Variants in PPFIA1 observed in about 807,000 individuals in gnomAD.
PPFIA1 encodes liprin-alpha-1.
In PPFIA1, 25 loss-of-function variants were observed where a neutral mutation model predicts 149.9. The ratio of observed to expected loss-of-function variants is 0.17; its 90% CI spans 0.12 to 0.23. The LOEUF (loss-of-function observed/expected upper bound fraction) is 0.23. PPFIA1 is among the 10% of genes least tolerant of loss of function. The pLI, the probability that PPFIA1 is intolerant of heterozygous loss-of-function variation, is 1.00. For synonymous variants in PPFIA1, 549 were observed against 552.8 expected (o/e 0.99, Z 0.10); for missense variants, 1,362 against 1,506.5 (o/e 0.90, Z 1.59).
At chr11:70,366,367 A>G (rs2056936240) in intron 21 of PPFIA1, among the ~76,000 whole-genome samples, 1 of 152,216 alleles carries the variant, frequency 6.6e-6, no homozygotes, top group Non-Finnish European at 1.5e-5. Context: ...AATTGGCATA[A>G]TGACTTTTCC....
intron 19 of PPFIA1, among the ~76,000 whole-genome samples, chr11:70,361,268 C>A (rs1294941671): frequency 1.3e-5 from 2 of 152,138 alleles, no homozygotes; most frequent in Non-Finnish European, 2.9e-5. Flanking sequence ...AGGACCCCTC[C>A]TGAATACCAA....
intron 21 of PPFIA1, 149 bp downstream of exon 21, chr11:70,362,637 CT>C (rs140694226): frequency 9.7e-5 from 68 of 698,242 alleles, no homozygotes; most frequent in Middle Eastern, 4.4e-4. Context: ...TACATTAGAA[CT>C]TTTAATTTTG....
At chr11:70,380,407 A>G (rs536277514) in intron 26 of PPFIA1, among the ~76,000 whole-genome samples, 1 of 150,164 alleles carries the variant, frequency 6.7e-6, no homozygotes, top group African/African-American at 2.5e-5. Context: ...CTCTACTAAA[A>G]ATACAAAAAA....
chr11:70,354,211 C>A, intron 16 of PPFIA1, 90 bp from the exon 17 acceptor site: 1 of 1,356,288 alleles, frequency 7.4e-7, no homozygotes, highest in Non-Finnish European at 1.0e-6. Context: ...CACAGCAAAT[C>A]GATTTTCAAA....
chr11:70,343,798 T>C lies in PPFIA1; in HGVS notation c.1837T>C (p.Ser613Pro). Residue 613 changes from serine (S) to proline (P), a missense_variant, in exon 15 of 28, where the codon TCA becomes CCA. By Grantham distance (74) the Ser-to-Pro change is moderately conservative. Around this residue, in one of 7 missense-constraint regions of PPFIA1, gnomAD observed 733 missense variants for 744.1 expected, o/e 0.99. Coordinates refer to ENST00000253925, the MANE Select transcript of PPFIA1 (RefSeq NM_003626.5). ...GEDDRDTLLSSVDLLSPSGQA... is the reference protein window; with the variant it reads ...GEDDRDTLLSPVDLLSPSGQA... ...AGATGACAGGGACACTCTCCTCAGC[T>C]CAGTTGACCTGCTATCGCCCAGCGG... is the stretch of plus-strand genomic sequence containing the variant. 2 of 1,614,130 alleles carry C rather than the reference T, an allele frequency of 1.2e-6. No individual in the cohort carries two copies. The highest frequency in any genetic ancestry group is 1.6e-4 in the Middle Eastern group (1 of 6,062).
chr11:70,289,408 AT>A (rs1303201252), intron 2 of PPFIA1, among the ~76,000 whole-genome samples: 1 of 152,200 alleles, frequency 6.6e-6, no homozygotes, highest in Non-Finnish European at 1.5e-5. Context: ...TAAACTGATG[AT>A]TTTGATTTCT....
chr11:70,356,015 G>A (rs1197249973), intron 18 of PPFIA1, 146 bp from the exon 19 acceptor site: 10 of 1,014,186 alleles, frequency 9.9e-6, no homozygotes, highest in South Asian at 5.5e-5. Context: ...GAGCATTTCC[G>A]TCTTGGGCAT....
intron 2 of PPFIA1, among the ~76,000 whole-genome samples, chr11:70,299,573 C>T (rs1218852337): frequency 1.3e-5 from 2 of 152,146 alleles, no homozygotes; most frequent in Admixed American, 6.5e-5. Context: ...CTGGATGCTC[C>T]GGGGACCTCA....
Position 70,375,027 on chromosome 11 carries a change from C to T in PPFIA1, c.3249C>T (p.Ala1083=), listed in dbSNP as rs151326607. The change falls in exon 24 of 28, where the codon GCC becomes GCT. Residue 1083 remains alanine, a synonymous_variant. Coordinates refer to ENST00000253925, the MANE Select transcript of PPFIA1 (RefSeq NM_003626.5). ...GTGGTGTTCACGGAGCACTTCTGGCCTTAGATGAAACCTTCGACTTCAGTG... is the reference window on the plus strand; with the variant it reads ...GTGGTGTTCACGGAGCACTTCTGGCTTTAGATGAAACCTTCGACTTCAGTG... ...IESGVHGALL[A]LDETFDFSAL... is the part of the protein sequence containing the mutation. 1 of 1,613,690 alleles carries T rather than the reference C, an allele frequency of 6.2e-7. No individual in the cohort carries two copies. The highest frequency in any genetic ancestry group is 1.3e-5 in the African/African-American group (1 of 74,872).
rs368424324 is a variant in PPFIA1 at position 70,337,534 on chromosome 11, C to G, written c.1491+107C>G. ...GTGGAGAGCAGCTTGGTTTGTGGCT[C>G]TCATAGTCCACTGCCATAAGTTTCT... On this transcript the variant is annotated intron_variant, in intron 12 of 27. Coordinates refer to ENST00000253925, the MANE Select transcript of PPFIA1 (RefSeq NM_003626.5). 4.3e-4 allele frequency: 317 copies of G among 731,376 alleles called. 6 individuals carry two copies. The South Asian group carries it at 6.9e-3, about 16-fold the overall frequency. The allele number at this position is 731,376 out of a possible 1,614,324, so 45.3% of individuals were successfully genotyped here. A position where few individuals can be genotyped will look rare whatever the true frequency, so the allele number is the denominator to read the frequency against.
At chr11:70,381,987 C>A in intron 26 of PPFIA1, 101 bp from the exon 27 acceptor site, 1 of 1,001,858 alleles carries the variant, frequency 1.0e-6, no homozygotes, top group Non-Finnish European at 1.5e-6. Context: ...GTAGGCACTG[C>A]TGTAGGTGTG....
chr11:70,380,224 G>A (rs761940659), intron 26 of PPFIA1, among the ~76,000 whole-genome samples: 1 of 150,770 alleles, frequency 6.6e-6, no homozygotes, highest in African/African-American at 2.4e-5. Flanking sequence ...CCTGGCCAAC[G>A]TGGTGAGACC....
chr11:70,309,487 C>T (rs1464752554), intron 2 of PPFIA1, among the ~76,000 whole-genome samples: 1 of 151,954 alleles, frequency 6.6e-6, no homozygotes, highest in Admixed American at 6.6e-5. Flanking sequence ...TTTTAATTGT[C>T]TTGCTTGCTT....
intron 2 of PPFIA1, among the ~76,000 whole-genome samples, chr11:70,281,465 T>G (rs928459707): frequency 6.6e-6 from 1 of 152,224 alleles, no homozygotes; most frequent in Admixed American, 6.5e-5. Flanking sequence ...CCAAGTTTTG[T>G]CTCCTTAACG....
intron 11 of PPFIA1, 103 bp from the exon 12 acceptor site, chr11:70,337,262 G>C: frequency 1.3e-6 from 1 of 772,498 alleles, no homozygotes; most frequent in Non-Finnish European, 2.0e-6. Context: ...CTTTTACTCC[G>C]TTCCCTTTGT....
Position 70,362,187 on chromosome 11 carries a change from C to T in PPFIA1, c.2664+11C>T, listed in dbSNP as rs748389323. 3 of 1,614,048 alleles carry T rather than the reference C, an allele frequency of 1.9e-6. No homozygotes were observed. The highest frequency in any genetic ancestry group is 2.2e-5 in the South Asian group (2 of 91,076). On this transcript the variant is annotated intron_variant, in intron 20 of 27. Coordinates refer to ENST00000253925, the MANE Select transcript of PPFIA1 (RefSeq NM_003626.5). ...GTGGTCTGGCTAGAGGTACATCCTT[C>T]ATTTAACATGCAGTTGCGTGGGTTA...
rs1214747817 is a variant in PPFIA1, at chr11:70,362,347, G to A, written c.2724G>A (p.Gly908=). 6.2e-7 allele frequency: 1 copy of A among 1,614,190 alleles called. No individual in the cohort carries two copies. The highest frequency in any genetic ancestry group is 8.5e-7 in the Non-Finnish European group (1 of 1,180,048). ...CCTGCCGAGCAAACGTGAAAAGCGG[G>A]GCCATCATGTCGGCCCTGTCCGACA... ...VAACRANVKS[G]AIMSALSDTE... is the part of the protein sequence containing the mutation. Residue 908 remains glycine, a synonymous_variant, in exon 21 of 28, where the codon GGG becomes GGA. Coordinates refer to ENST00000253925, the MANE Select transcript of PPFIA1 (RefSeq NM_003626.5).
intron 7 of PPFIA1, chr11:70,327,020 T>C (rs1240849882): frequency 1.8e-6 from 1 of 551,260 alleles, no homozygotes; most frequent in Non-Finnish European, 3.2e-6. Flanking sequence ...AAATCTCCTG[T>C]CCCTGAGCTC....
At position 70,372,519 on chromosome 11, in the gene PPFIA1, T is replaced by G. The variant is rs1171791720; in HGVS notation, c.3084T>G (p.Asn1028Lys). 1.9e-6 allele frequency: 3 copies of G among 1,613,974 alleles called. No individual in the cohort carries two copies. The highest frequency in any genetic ancestry group is 2.5e-6 in the Non-Finnish European group (3 of 1,179,904). The change falls in exon 23 of 28, where the codon AAT becomes AAG. Residue 1028 changes from asparagine to lysine, a missense_variant. By Grantham distance (94) the Asn-to-Lys change is moderately conservative. This residue lies in a region of PPFIA1 where 349 missense variants were observed against 373.3 expected (regional missense o/e 0.93). Transcript: ENST00000253925. ...GAATTATGTGCCTGAGAAGGTTAAA[T>G]TATGACCGGAAAGAACTGGAAAGAA... ...QCGIMCLRRL[N>K]YDRKELERKR...
Sources: gnomAD v4.1 joint callset for allele counts (sites outside exome capture counted in the v4.1 genomes callset) on GRCh38, gnomAD v4.1.1 for gene constraint, gnomAD v4.1.1 regional missense constraint, MANE v1.5 for transcripts, NCBI Gene and HGNC (gene_info 2026-07-23, HGNC 2026-07-21) for gene names.